The following MACROD1 variants were observed in gnomAD, a reference collection of about 807,000 sequenced individuals.
MACROD1 encodes the protein ADP-ribose glycohydrolase MACROD1.
A neutral mutation model predicts 41.4 loss-of-function variants in MACROD1; 31 were observed. That is an observed-to-expected ratio of 0.75 (90% CI 0.56 to 1.01). The LOEUF (loss-of-function observed/expected upper bound fraction) is 1.01, where lower values mean the gene tolerates loss of function less well. MACROD1 is among the 50% of genes least tolerant of loss of function. The pLI is 0.00. For missense variants in MACROD1, 473 were observed against 460.0 expected (o/e 1.03, Z -0.26); for synonymous variants, 252 against 203.4 (o/e 1.24, Z -2.03).
intron 3 of MACROD1, among the ~76,000 whole-genome samples, chr11:64,015,593 T>A (rs1211691376): frequency 6.6e-6 from 1 of 152,108 alleles, no homozygotes; most frequent in East Asian, 1.9e-4. Flanking sequence ...GGCCCTTTCA[T>A]TCCTTCACTG....
At chr11:64,073,239 C>T (rs1417874202) in intron 3 of MACROD1, among the ~76,000 whole-genome samples, 1 of 152,246 alleles carries the variant, frequency 6.6e-6, no homozygotes, top group Non-Finnish European at 1.5e-5. Flanking sequence ...TTCAGAGATA[C>T]TTCTGGGTAC....
At chr11:64,126,506 G>A (rs1169645835) in intron 3 of MACROD1, among the ~76,000 whole-genome samples, 1 of 152,170 alleles carries the variant, frequency 6.6e-6, no homozygotes, top group African/African-American at 2.4e-5. Flanking sequence ...CTATAAACAC[G>A]GCAGAGGAAT....
rs536563158 is a variant in MACROD1 at position 64,159,626 on chromosome 11, C to T, written c.298+6071G>A. On this transcript the variant is annotated intron_variant, in intron 1 of 10. Coordinates refer to ENST00000255681, the MANE Select transcript of MACROD1 (RefSeq NM_014067.4). ...CCTGACCAACATGGAGAAACCCCGT[C>T]TCTACTAAAAATACAAAATTAGCCG... 2.6e-5 allele frequency among the ~76,000 whole-genome samples: 4 copies of T among 152,072 alleles called. No homozygotes were observed. The South Asian group carries it at 8.3e-4, about 32-fold the overall frequency.
At chr11:64,043,162 G>T (rs763080217) in intron 3 of MACROD1, among the ~76,000 whole-genome samples, 2 of 152,178 alleles carry the variant, frequency 1.3e-5, no homozygotes, top group Middle Eastern at 3.4e-3. Flanking sequence ...ACATCCCAGG[G>T]TTAGCATGAA....
intron 3 of MACROD1, chr11:64,118,139 C>CA: frequency 6.2e-7 from 1 of 1,613,718 alleles, no homozygotes; most frequent in Non-Finnish European, 8.5e-7. Flanking sequence ...TGCTGCCCAT[C>CA]AACCCGTACC....
chr11:64,139,564 T>C (rs1369762825), intron 3 of MACROD1, among the ~76,000 whole-genome samples: 1 of 152,204 alleles, frequency 6.6e-6, no homozygotes, highest in Middle Eastern at 3.2e-3. Flanking sequence ...TCACTGCTAA[T>C]AACAGTCACT....
chr11:64,047,897 C>CAAA (rs35010371), intron 3 of MACROD1, among the ~76,000 whole-genome samples: 2,337 of 89,060 alleles, frequency 0.026, 72 homozygotes, highest in African/African-American at 0.086. Context: ...AACTCCGTCT[C>CAAA]AAAAAAAAAA....
intron 1 of MACROD1, among the ~76,000 whole-genome samples, chr11:64,159,684 C>T (rs987410581): frequency 2.0e-4 from 30 of 152,002 alleles, no homozygotes; most frequent in African/African-American, 6.8e-4. Context: ...ATCCCAGCTA[C>T]GCGGGAGGCT....
At chr11:64,010,743 G>GCA (rs1332545344) in intron 4 of MACROD1, among the ~76,000 whole-genome samples, 1 of 150,280 alleles carries the variant, frequency 6.7e-6, no homozygotes. Context: ...ATGTTGGTTG[G>GCA]GGTGTTGGCT....
chr11:64,036,046 C>T lies in MACROD1; in HGVS notation c.518-20765G>A, dbSNP rs1943373856. The T allele has an allele frequency of 6.6e-6, 1 of 151,526 alleles. No homozygotes were observed. The highest frequency in any genetic ancestry group is 2.4e-5 in the African/African-American group (1 of 41,320). The allele number at this position is 151,526 out of a possible 1,614,324, so 9.4% of individuals were successfully genotyped here. On this transcript the variant is annotated intron_variant, in intron 3 of 10. Coordinates refer to ENST00000255681, the MANE Select transcript of MACROD1 (RefSeq NM_014067.4). This position sits in a 1 kb window ranked among gnomAD's most constrained non-coding sequence, Gnocchi z 5.6. ...CGCGCCGGGGGCTCCTCTCCCGGGC[C>T]CCCCTGGGCGCCCTCCGGCTCTGGT...
chr11:64,129,225 C>A (rs924569686), intron 3 of MACROD1, among the ~76,000 whole-genome samples: 1 of 152,232 alleles, frequency 6.6e-6, no homozygotes, highest in Non-Finnish European at 1.5e-5. Flanking sequence ...TGGGGCAGGG[C>A]CTTGGAGTCC....
At chr11:64,051,020 G>T (rs1009745899) in intron 3 of MACROD1, among the ~76,000 whole-genome samples, 1 of 152,246 alleles carries the variant, frequency 6.6e-6, no homozygotes, top group Non-Finnish European at 1.5e-5. Context: ...CCTTGCCCAG[G>T]GGGACAGCCT....
intron 3 of MACROD1, among the ~76,000 whole-genome samples, chr11:64,027,554 T>C (rs1943238297): frequency 6.6e-6 from 1 of 152,074 alleles, no homozygotes; most frequent in Non-Finnish European, 1.5e-5. Flanking sequence ...GACACAGTGG[T>C]AGCTGTAGCC....
intron 3 of MACROD1, among the ~76,000 whole-genome samples, chr11:64,029,036 G>A (rs1283007279): frequency 6.6e-6 from 1 of 152,154 alleles, no homozygotes; most frequent in Non-Finnish European, 1.5e-5. Flanking sequence ...CCCCACCTCA[G>A]ACTCTCCCAT....
At chr11:64,149,726 A>G (rs374080409) in intron 3 of MACROD1, among the ~76,000 whole-genome samples, 1 of 152,372 alleles carries the variant, frequency 6.6e-6, no homozygotes, top group Non-Finnish European at 1.5e-5. Context: ...AGTGACTGGC[A>G]GGGCTGGAGT....
At chr11:64,117,413 GC>G in intron 3 of MACROD1, 1 of 1,612,336 alleles carries the variant, frequency 6.2e-7, no homozygotes, top group East Asian at 2.2e-5. Context: ...TTGAGACGGG[GC>G]CGCAGGGCGG....
intron 2 of MACROD1, among the ~76,000 whole-genome samples, chr11:64,151,617 G>A (rs767817189): frequency 9.2e-5 from 14 of 152,184 alleles, no homozygotes; most frequent in Non-Finnish European, 1.8e-4. Context: ...CCATTTCACA[G>A]AGGTAGAAAC....
intron 1 of MACROD1, among the ~76,000 whole-genome samples, chr11:64,162,428 G>A (rs1469127683): frequency 6.6e-6 from 1 of 152,018 alleles, no homozygotes; most frequent in Non-Finnish European, 1.5e-5. Flanking sequence ...GCTGAGCCCA[G>A]CAGTTTAAGG....
In MACROD1 at chr11:63,999,324, G is replaced by A. The variant is rs1942774712; in HGVS notation, c.891+7C>T. On this transcript the variant is annotated splice_region_variant and intron_variant, in intron 8 of 10. Coordinates refer to ENST00000255681, the MANE Select transcript of MACROD1 (RefSeq NM_014067.4). ...GGACCCCACCCTCGCCCGGGCCCAG[G>A]ACTCACCTTGTCCTTGTGCTGCTCC... 1 of 1,563,074 alleles carries A rather than the reference G, an allele frequency of 6.4e-7. No individual in the cohort carries two copies. The highest frequency in any genetic ancestry group is 8.6e-7 in the Non-Finnish European group (1 of 1,160,826).
Sources: gnomAD v4.1 joint callset for allele counts (sites outside exome capture counted in the v4.1 genomes callset) on GRCh38, gnomAD v4.1.1 for gene constraint, Gnocchi (gnomAD v3.1) non-coding constraint, MANE v1.5 for transcripts, NCBI Gene and HGNC (gene_info 2026-07-23, HGNC 2026-07-21) for gene names.